The following WDFY4 variants were observed in gnomAD, a reference collection of about 807,000 sequenced individuals.
The protein encoded by WDFY4 is WDFY family member 4.
WDFY4 carries 169 observed loss-of-function variants against 351.9 expected under a neutral mutation model. That is an observed-to-expected ratio of 0.48 (90% CI 0.42 to 0.55). WDFY4 has a LOEUF of 0.55. WDFY4 is among the 20% of genes least tolerant of loss of function. The probability of loss-of-function intolerance (pLI) is 0.00; values close to 1 mark genes in which losing one functional copy is unlikely to be tolerated. For missense variants in WDFY4, 3,803 were observed against 3,935.6 expected (o/e 0.97, Z 0.90); for synonymous variants, 1,622 against 1,574.6 (o/e 1.03, Z -0.71).
chr10:48,747,393 T>A (rs768645608), intron 12 of WDFY4, among the ~76,000 whole-genome samples: 2 of 152,238 alleles, frequency 1.3e-5, no homozygotes, highest in African/African-American at 4.8e-5. Context: ...TCCCAACTGA[T>A]GTCTTTTATA....
At chr10:48,788,018 T>G (rs1052742683) in intron 20 of WDFY4, among the ~76,000 whole-genome samples, 6 of 145,536 alleles carry the variant, frequency 4.1e-5, no homozygotes, top group Non-Finnish European at 8.9e-5. Context: ...CTCCTTCTCC[T>G]TCTCCTTCTC....
At chr10:48,964,545 C>G (rs1841994926) in intron 54 of WDFY4, among the ~76,000 whole-genome samples, 2 of 152,218 alleles carry the variant, frequency 1.3e-5, no homozygotes, top group African/African-American at 4.8e-5. Flanking sequence ...TAGAATTACA[C>G]TAACAGCAGT....
At chr10:48,835,266 AG>A (rs1434613845) in intron 39 of WDFY4, among the ~76,000 whole-genome samples, 2 of 152,176 alleles carry the variant, frequency 1.3e-5, no homozygotes, top group African/African-American at 2.4e-5. Context: ...AGGGTAAGGC[AG>A]GGAGGGGGGC....
At chr10:48,970,888 C>T (rs757294083) in intron 57 of WDFY4, among the ~76,000 whole-genome samples, 3 of 152,182 alleles carry the variant, frequency 2.0e-5, no homozygotes, top group Non-Finnish European at 2.9e-5. Flanking sequence ...TGAGGATGTG[C>T]ACCACCAGCC....
chr10:48,890,520 C>G (rs1293623013), intron 43 of WDFY4, 59 bp from the exon 44 acceptor site: 2 of 1,547,890 alleles, frequency 1.3e-6, no homozygotes, highest in Admixed American at 2.0e-5. Context: ...CCTGTTTCCC[C>G]CAAGAATCAT....
intron 57 of WDFY4, among the ~76,000 whole-genome samples, chr10:48,971,188 A>G (rs1842321274): frequency 6.6e-6 from 1 of 152,218 alleles, no homozygotes; most frequent in Admixed American, 6.5e-5. Context: ...TTAGCCACAG[A>G]GCCCTAAAGT....
At position 48,821,292 on chromosome 10, in the gene WDFY4, C is replaced by T. The variant is rs528749920; in HGVS notation, c.5824+116C>T. 140 of 780,794 alleles carry T rather than the reference C, an allele frequency of 1.8e-4. 1 individual carries two copies. In the Admixed American group the frequency reaches 2.3e-3, roughly 13 times the overall value. 48.4% of individuals were successfully genotyped at this position (780,794 alleles called of 1,614,324 possible). ...GCTGTGGGATGCTGCCTCCACCTGG[C>T]GTCAGTCCCTCCAGGCATCATCAAC... On this transcript the variant is annotated intron_variant, in intron 34 of 61. Coordinates refer to ENST00000325239, the MANE Select transcript of WDFY4 (RefSeq NM_001394531.1).
chr10:48,796,841 G>T (rs186094487), intron 24 of WDFY4, among the ~76,000 whole-genome samples: 48 of 152,308 alleles, frequency 3.2e-4, no homozygotes, highest in Non-Finnish European at 6.2e-4. Context: ...GTTTCCAAAT[G>T]ATTCTTGAAA....
At chr10:48,715,671 G>C (rs1247367427) in intron 2 of WDFY4, among the ~76,000 whole-genome samples, 1 of 152,076 alleles carries the variant, frequency 6.6e-6, no homozygotes, top group Non-Finnish European at 1.5e-5. Context: ...CTGTCTCCCA[G>C]GTGGAGTGCA....
chr10:48,900,248 A>T lies in WDFY4; in HGVS notation c.7465A>T (p.Asn2489Tyr). 6.4e-7 allele frequency: 1 copy of T among 1,551,710 alleles called. No individual in the cohort carries two copies. Among genetic ancestry groups the T allele is most frequent in the Non-Finnish European group, 8.7e-7 (1 of 1,146,984 alleles). Residue 2489 changes from asparagine (N) to tyrosine (Y), a missense_variant, in exon 46 of 62, where the codon AAT (asparagine) becomes TAT (tyrosine). Physicochemically the swap from Asn to Tyr is moderately radical, Grantham distance 143 (BLOSUM62 -2). Around this residue, in one of 3 missense-constraint regions of WDFY4, gnomAD observed 3,054 missense variants for 3,148.6 expected, o/e 0.97. Coordinates refer to ENST00000325239, the MANE Select transcript of WDFY4 (RefSeq NM_001394531.1). Reference protein sequence around the residue: ...QDIALEIFFHNGYSKFLVFYN... With the variant: ...QDIALEIFFHYGYSKFLVFYN... ...CATCGCCCTGGAGATCTTCTTCCAC[A>T]ATGGATATTCCAAGTTTCTTGTCTT...
intron 2 of WDFY4, 84 bp from the exon 3 acceptor site, chr10:48,719,927 C>G: frequency 8.0e-7 from 1 of 1,255,712 alleles, no homozygotes; most frequent in Non-Finnish European, 1.1e-6. Context: ...TCAGCTTGGG[C>G]TGGTGAAGGG....
chr10:48,756,287 G>A (rs989086523), intron 12 of WDFY4, among the ~76,000 whole-genome samples: 23 of 151,838 alleles, frequency 1.5e-4, no homozygotes, highest in African/African-American at 4.3e-4. Flanking sequence ...CTTCCAAAGG[G>A]TATTTAAAAT....
intron 20 of WDFY4, among the ~76,000 whole-genome samples, chr10:48,787,913 T>TTCTTCC (rs2066510597): frequency 2.0e-5 from 1 of 50,622 alleles, no homozygotes; most frequent in Non-Finnish European, 3.7e-5. Context: ...CTTCTTCTTC[T>TTCTTCC]TCTTCTTCTT....
intron 47 of WDFY4, among the ~76,000 whole-genome samples, chr10:48,937,948 A>G (rs1238804374): frequency 6.6e-6 from 1 of 152,006 alleles, no homozygotes; most frequent in African/African-American, 2.4e-5. Flanking sequence ...TGCCCCCAGC[A>G]TCTCCCCAGC....
At chr10:48,932,522 C>T (rs981902393) in intron 47 of WDFY4, 9 of 152,266 alleles carry the variant, frequency 5.9e-5, no homozygotes, top group African/African-American at 2.2e-4. Flanking sequence ...TCAGTCTCCT[C>T]ATTCAGTCAT....
intron 46 of WDFY4, 27 bp downstream of exon 46, chr10:48,900,333 A>G: frequency 2.6e-6 from 4 of 1,536,838 alleles, no homozygotes; most frequent in Non-Finnish European, 3.5e-6. Flanking sequence ...CCTCCTTCTG[A>G]GGAAACTGAT....
intron 13 of WDFY4, among the ~76,000 whole-genome samples, chr10:48,773,681 G>A (rs1305787691): frequency 6.6e-6 from 1 of 152,226 alleles, no homozygotes; most frequent in African/African-American, 2.4e-5. Context: ...GACAGGCACA[G>A]GATGATGGGA....
intron 52 of WDFY4, among the ~76,000 whole-genome samples, chr10:48,958,392 G>C (rs1174947895): frequency 1.3e-5 from 2 of 151,914 alleles, no homozygotes; most frequent in African/African-American, 2.4e-5. Flanking sequence ...GAGGGTGGCA[G>C]CCAGGAGGAG....
At chr10:48,799,161 A>G (rs1306765120) in intron 24 of WDFY4, among the ~76,000 whole-genome samples, 1 of 152,160 alleles carries the variant, frequency 6.6e-6, no homozygotes, top group Non-Finnish European at 1.5e-5. Context: ...GGCCATGGAC[A>G]CCACCCTACC....
Sources: allele counts gnomAD v4.1 joint callset (sites outside exome capture counted in the v4.1 genomes callset), GRCh38; gene constraint gnomAD v4.1.1; regional missense constraint gnomAD v4.1.1; transcripts MANE v1.5; gene names NCBI Gene and HGNC (gene_info 2026-07-23, HGNC 2026-07-21).